PTPRD: variants seen among roughly 807,000 people sequenced by gnomAD.
PTPRD encodes receptor-type tyrosine-protein phosphatase delta.
Under a neutral mutation model 214.5 loss-of-function variants are expected in PTPRD, and 34 were observed. The observed-to-expected ratio is 0.16, with a 90% confidence interval of 0.12 to 0.21. The LOEUF (loss-of-function observed/expected upper bound fraction) is 0.21. Ranked by LOEUF, PTPRD falls within the 10% of genes least tolerant of loss-of-function variation. The pLI, the probability that PTPRD is intolerant of heterozygous loss-of-function variation, is 1.00. For missense variants in PTPRD, 2,545 were observed against 2,398.7 expected (o/e 1.06, Z -1.27); for synonymous variants, 1,128 against 845.7 (o/e 1.33, Z -5.79).
intron 12 of PTPRD, among the ~76,000 whole-genome samples, chr9:8,657,262 G>A (rs187581991): frequency 1.5e-3 from 232 of 151,150 alleles, no homozygotes; most frequent in African/African-American, 5.4e-3. Flanking sequence ...CTGCCTCCCG[G>A]GTTCAAGTGA....
Position 10,080,588 on chromosome 9 carries a change from T to C in PTPRD, c.-544-46798A>G, listed in dbSNP as rs2098220419. Among the ~76,000 whole-genome samples the C allele has an allele frequency of 2.0e-5, 3 of 152,254 alleles. No individual in the cohort carries two copies. In the South Asian group the frequency reaches 6.2e-4, roughly 32 times the overall value. ...ATTTATTTGAAACCATTAAGAAACA[T>C]GTTCTACATGCAAATAACAGTACAG... On this transcript the variant is annotated intron_variant, in intron 3 of 45. Coordinates refer to ENST00000381196, the MANE Select transcript of PTPRD (RefSeq NM_002839.4).
chr9:8,331,490 T>A (rs558773130), intron 44 of PTPRD, 92 bp downstream of exon 44: 2 of 1,448,652 alleles, frequency 1.4e-6, no homozygotes, highest in South Asian at 2.6e-5. Flanking sequence ...AAGAATAAAA[T>A]TTCAAATAAG....
intron 11 of PTPRD, among the ~76,000 whole-genome samples, chr9:8,736,813 G>T (rs1434250): frequency 0.23 from 35,283 of 151,474 alleles, 4,370 homozygotes; most frequent in East Asian, 0.52. Context: ...GTTATCAATC[G>T]CCTCTGAAAA....
chr9:9,656,814 A>G (rs1250587788), intron 7 of PTPRD, among the ~76,000 whole-genome samples: 1 of 152,048 alleles, frequency 6.6e-6, no homozygotes, highest in Admixed American at 6.6e-5. Context: ...TAACAAATGT[A>G]CTTCTCTGGT....
intron 4 of PTPRD, among the ~76,000 whole-genome samples, chr9:9,981,312 A>G (rs2154066116): frequency 6.6e-6 from 1 of 152,150 alleles, no homozygotes; most frequent in East Asian, 1.9e-4. Flanking sequence ...TGTATGGCCA[A>G]TAACATGTAG....
intron 5 of PTPRD, among the ~76,000 whole-genome samples, chr9:9,893,548 T>C (rs1465820267): frequency 1.3e-5 from 2 of 152,172 alleles, no homozygotes; most frequent in South Asian, 2.1e-4. Context: ...AAAGTTTATA[T>C]ATAATTCATG....
intron 2 of PTPRD, among the ~76,000 whole-genome samples, chr9:10,423,235 C>A (rs1208619092): frequency 1.3e-5 from 2 of 151,946 alleles, no homozygotes; most frequent in African/African-American, 4.8e-5. Context: ...TGTTCTCACT[C>A]ATAGGTGGGA....
chr9:10,395,627 T>C (rs981687517), intron 2 of PTPRD, among the ~76,000 whole-genome samples: 3 of 151,956 alleles, frequency 2.0e-5, no homozygotes, highest in East Asian at 3.9e-4. Context: ...TAATGACTAA[T>C]TGTTGTCCTG....
rs180938334 is a variant in PTPRD, at chr9:10,089,117, G to A, written c.-544-55327C>T. Among the ~76,000 whole-genome samples, 714 of 151,464 alleles carry A rather than the reference G, an allele frequency of 4.7e-3. 2 individuals are homozygous for A. The highest frequency in any genetic ancestry group is 0.01 in the Admixed American group (158 of 15,130). On this transcript the variant is annotated intron_variant, in intron 3 of 45. Coordinates refer to ENST00000381196, the MANE Select transcript of PTPRD (RefSeq NM_002839.4). ...AGCTACTTAGGAGGCTGAGGTGGAA[G>A]GATTGCTTAAGCCTAGGAGTTTGAG...
intron 8 of PTPRD, among the ~76,000 whole-genome samples, chr9:9,414,074 A>G (rs1314450732): frequency 6.6e-6 from 1 of 152,238 alleles, no homozygotes; most frequent in Non-Finnish European, 1.5e-5. Context: ...ATTTAAAACA[A>G]CGTTTGATTG....
intron 5 of PTPRD, among the ~76,000 whole-genome samples, chr9:9,928,981 G>A (rs1317345253): frequency 6.6e-6 from 1 of 152,084 alleles, no homozygotes; most frequent in African/African-American, 2.4e-5. Context: ...AGACTATTTA[G>A]AACAAATAAA....
intron 39 of PTPRD, among the ~76,000 whole-genome samples, chr9:8,364,124 T>C (rs904410463): frequency 6.6e-6 from 1 of 152,234 alleles, no homozygotes; most frequent in African/African-American, 2.4e-5. Flanking sequence ...ATATAAATGA[T>C]TCCAGCAGAT....
intron 8 of PTPRD, among the ~76,000 whole-genome samples, chr9:9,514,076 C>T (rs1006299736): frequency 6.6e-6 from 1 of 151,978 alleles, no homozygotes; most frequent in African/African-American, 2.4e-5. Flanking sequence ...GCAAAAAGTC[C>T]CTTGTTTTTG....
In PTPRD at chr9:8,341,948, G is replaced by A. The variant is rs138863975; in HGVS notation, c.4692C>T (p.Ile1564=). 8.7e-6 allele frequency: 14 copies of A among 1,611,922 alleles called. No homozygotes were observed. The highest frequency in any genetic ancestry group is 1.6e-4 in the Middle Eastern group (1 of 6,068). ...TTCTTTCTAACATGGCATCTATGAC[G>A]ATGAAGCAACCAGTCCGGCCAACTC... ...SAGVGRTGCF[I]VIDAMLERIK... is the part of the protein sequence containing the mutation. The change falls in exon 40 of 46, where the codon ATC becomes ATT. Residue 1564 remains isoleucine, a synonymous_variant. Transcript: ENST00000381196.
chr9:8,734,067 C>T, intron 11 of PTPRD, 121 bp from the exon 12 acceptor site: 1 of 570,980 alleles, frequency 1.8e-6, no homozygotes, highest in East Asian at 2.9e-5. Flanking sequence ...TGTAAATACA[C>T]AATAAATTGT....
At chr9:9,196,578 C>T (rs1048739742) in intron 9 of PTPRD, among the ~76,000 whole-genome samples, 2 of 152,100 alleles carry the variant, frequency 1.3e-5, no homozygotes, top group African/African-American at 4.8e-5. Context: ...CCATTTTAAA[C>T]AAATAACTTT....
chr9:10,392,679 G>T (rs1045323109), intron 2 of PTPRD, among the ~76,000 whole-genome samples: 3 of 151,814 alleles, frequency 2.0e-5, no homozygotes, highest in Admixed American at 6.6e-5. Flanking sequence ...CCAGAGAAGA[G>T]AATTCGGAAT....
At chr9:10,512,037 T>C (rs1165563054) in intron 2 of PTPRD, among the ~76,000 whole-genome samples, 6 of 143,286 alleles carry the variant, frequency 4.2e-5, no homozygotes, top group Non-Finnish European at 7.6e-5. Context: ...TATGTATATA[T>C]ATATATACAC....
At chr9:10,523,601 G>GTATGTATATATATATATATATATA (rs2053139062) in intron 2 of PTPRD, among the ~76,000 whole-genome samples, 1 of 64,352 alleles carries the variant, frequency 1.6e-5, no homozygotes, top group East Asian at 5.8e-4. Flanking sequence ...ATATTTATCT[G>GTATGTATATATATATATATATATA]TATATATATA....
Sources: gnomAD v4.1 joint callset for allele counts (sites outside exome capture counted in the v4.1 genomes callset) on GRCh38, gnomAD v4.1.1 for gene constraint, MANE v1.5 for transcripts, NCBI Gene and HGNC (gene_info 2026-07-23, HGNC 2026-07-21) for gene names.